The following CYB5R4 variants were observed in gnomAD, a reference collection of about 807,000 sequenced individuals.
The protein encoded by CYB5R4 is cytochrome b5 reductase 4, also known as N-terminal cytochrome b5 and cytochrome b5 oxidoreductase domain-containing protein.
Under a neutral mutation model 70.2 loss-of-function variants are expected in CYB5R4, and 55 were observed. The ratio of observed to expected loss-of-function variants is 0.78; its 90% confidence interval spans 0.63 to 0.98. The LOEUF (loss-of-function observed/expected upper bound fraction) is 0.98. CYB5R4 is among the 50% of genes least tolerant of loss of function. The pLI is 0.00. For synonymous variants in CYB5R4, 197 were observed against 199.5 expected (o/e 0.99, Z 0.11); for missense variants, 562 against 612.6 (o/e 0.92, Z 0.87).
At chr6:83,879,078 C>G (rs757751322) in intron 2 of CYB5R4, among the ~76,000 whole-genome samples, 2 of 152,084 alleles carry the variant, frequency 1.3e-5, no homozygotes, top group Non-Finnish European at 2.9e-5. Flanking sequence ...GTTTCAGCCT[C>G]AGTCTTAGAC....
chr6:83,951,841 T>C (rs1415835471), intron 14 of CYB5R4, among the ~76,000 whole-genome samples: 1 of 152,212 alleles, frequency 6.6e-6, no homozygotes, highest in African/African-American at 2.4e-5. Flanking sequence ...TGGTTCTAGA[T>C]CCTTGAGGAA....
At chr6:83,912,112 AT>A (rs1007225025) in intron 4 of CYB5R4, among the ~76,000 whole-genome samples, 5 of 148,398 alleles carry the variant, frequency 3.4e-5, no homozygotes, top group African/African-American at 1.2e-4. Context: ...CGTTTATGGT[AT>A]TTTTTGAATA....
At chr6:83,884,787 A>G (rs969052011) in intron 2 of CYB5R4, among the ~76,000 whole-genome samples, 1 of 152,202 alleles carries the variant, frequency 6.6e-6, no homozygotes, top group African/African-American at 2.4e-5. Context: ...AATAATTGCA[A>G]GAATGCTACA....
intron 7 of CYB5R4, among the ~76,000 whole-genome samples, chr6:83,920,802 A>G (rs2129139898): frequency 6.6e-6 from 1 of 152,214 alleles, no homozygotes. Context: ...ACTAGGTGCC[A>G]AACAGTGTTC....
intron 12 of CYB5R4, among the ~76,000 whole-genome samples, chr6:83,939,537 G>A (rs2099469421): frequency 6.6e-6 from 1 of 152,114 alleles, no homozygotes; most frequent in African/African-American, 2.4e-5. Flanking sequence ...AAGTTGGTGT[G>A]TTAATCAACA....
At chr6:83,920,775 A>G (rs2099466249) in intron 7 of CYB5R4, among the ~76,000 whole-genome samples, 1 of 151,976 alleles carries the variant, frequency 6.6e-6, no homozygotes, top group African/African-American at 2.4e-5. Flanking sequence ...TATTCAAAAA[A>G]TATTTATTGA....
Position 83,905,778 on chromosome 6 carries a change from T to C in CYB5R4, c.331-3231T>C, listed in dbSNP as rs560241763. Among the ~76,000 whole-genome samples the C allele has an allele frequency of 4.6e-5, 7 of 151,646 alleles. No individual in the cohort carries two copies. The East Asian group carries it at 1.2e-3, about 25-fold the overall frequency. On this transcript the variant is annotated intron_variant, in intron 3 of 15. Transcript: ENST00000369681. ...CCCTGGGCAGGTGGTGTGGCATGGG[T>C]GGTGACGGTGGCAGTCGCAGGATGA...
intron 15 of CYB5R4, 23 bp from the exon 16 acceptor site, chr6:83,959,799 CAT>C: frequency 3.8e-6 from 6 of 1,582,868 alleles, no homozygotes; most frequent in Non-Finnish European, 5.2e-6. Flanking sequence ...CCCTAAGAAA[CAT>C]GTGCTTTTTA....
chr6:83,956,514 G>A (rs2099472454), intron 15 of CYB5R4, among the ~76,000 whole-genome samples: 1 of 152,162 alleles, frequency 6.6e-6, no homozygotes, highest in Admixed American at 6.5e-5. Context: ...GGAGACCAAG[G>A]TTCTTTTGAA....
chr6:83,890,735 C>T (rs2099460997), intron 2 of CYB5R4, among the ~76,000 whole-genome samples: 1 of 152,088 alleles, frequency 6.6e-6, no homozygotes, highest in Admixed American at 6.6e-5. Flanking sequence ...GAAATTGTCA[C>T]CGCCACCTCA....
chr6:83,918,668 TTTAACAG>T (rs1403377969), intron 6 of CYB5R4, among the ~76,000 whole-genome samples: 1 of 152,086 alleles, frequency 6.6e-6, no homozygotes, highest in Non-Finnish European at 1.5e-5. Flanking sequence ...AATAGTTGTC[TTTAACAG>T]TTAACAGTAA....
rs2099473632 is a variant in CYB5R4 at position 83,963,511 on chromosome 6, A to G, written c.*3633A>G. 6.6e-6 allele frequency: 1 copy of G among 152,252 alleles called. No homozygotes were observed. The highest frequency in any genetic ancestry group is 2.1e-4 in the South Asian group (1 of 4,834). The allele number at this position is 152,252 out of a possible 1,614,324, so 9.4% of individuals were successfully genotyped here. ...ATTGTGGCAAATAAATTATAAAGGA[A>G]AAATGGAATCTCAAGTAGTTACAGT... On this transcript the variant is annotated 3_prime_UTR_variant, in exon 16 of 16. Coordinates refer to ENST00000369681, the MANE Select transcript of CYB5R4 (RefSeq NM_016230.4).
rs571026943 is a variant in CYB5R4, at chr6:83,938,282, G to A, written c.1109-1774G>A. On this transcript the variant is annotated intron_variant, in intron 12 of 15. Coordinates refer to ENST00000369681, the MANE Select transcript of CYB5R4 (RefSeq NM_016230.4). ...AATGGTATTATAGCCTATTTACGGA[G>A]ATTTTTGCGAACATAGCAGGGTGGA... is the stretch of plus-strand genomic sequence containing the variant. 3.2e-4 allele frequency among the ~76,000 whole-genome samples: 49 copies of A among 152,298 alleles called. 1 individual carries two copies. Among genetic ancestry groups the A allele is most frequent in the African/African-American group, 1.2e-3 (49 of 41,558 alleles).
chr6:83,907,638 C>T (rs1177071350), intron 3 of CYB5R4, among the ~76,000 whole-genome samples: 1 of 152,158 alleles, frequency 6.6e-6, no homozygotes, highest in South Asian at 2.1e-4. Flanking sequence ...CTCCTCCCAA[C>T]CTCCACCCTC....
intron 2 of CYB5R4, among the ~76,000 whole-genome samples, chr6:83,886,295 A>G (rs1289186586): frequency 3.3e-5 from 5 of 152,210 alleles, no homozygotes; most frequent in Non-Finnish European, 7.3e-5. Flanking sequence ...TAAAGGCCCT[A>G]CCATTCAGTA....
chr6:83,916,286 C>G (rs1239523007), intron 5 of CYB5R4, among the ~76,000 whole-genome samples: 2 of 151,556 alleles, frequency 1.3e-5, no homozygotes, highest in Non-Finnish European at 3.0e-5. Flanking sequence ...ATTTTCTGGT[C>G]CTAATTAGGT....
chr6:83,866,582 C>T (rs73493146), intron 2 of CYB5R4, among the ~76,000 whole-genome samples: 3,985 of 151,498 alleles, frequency 0.026, 175 homozygotes, highest in African/African-American at 0.09. Context: ...TATAGCACCT[C>T]GTCTGGTAAG....
chr6:83,903,802 T>C (rs1403842135), intron 3 of CYB5R4, among the ~76,000 whole-genome samples: 1 of 152,068 alleles, frequency 6.6e-6, no homozygotes, highest in Non-Finnish European at 1.5e-5. Context: ...AATTTATCCA[T>C]TTTCTCTAGG....
intron 14 of CYB5R4, among the ~76,000 whole-genome samples, chr6:83,944,258 A>G (rs1197273450): frequency 2.0e-5 from 3 of 152,212 alleles, no homozygotes; most frequent in African/African-American, 7.2e-5. Flanking sequence ...CCTACAAACC[A>G]GAAGAGATTG....
Sources: gnomAD v4.1 joint callset for allele counts (sites outside exome capture counted in the v4.1 genomes callset) on GRCh38, gnomAD v4.1.1 for gene constraint, MANE v1.5 for transcripts, NCBI Gene and HGNC (gene_info 2026-07-23, HGNC 2026-07-21) for gene names.